FERMT2: variants seen among roughly 807,000 people sequenced by gnomAD.
The protein encoded by FERMT2 is fermitin family homolog 2.
In FERMT2, 15 loss-of-function variants were observed where a neutral mutation model predicts 82.7. The ratio of observed to expected loss-of-function variants is 0.18; its 90% CI spans 0.12 to 0.28. The LOEUF (loss-of-function observed/expected upper bound fraction) is 0.28. Ranked by LOEUF, FERMT2 falls within the 10% of genes least tolerant of loss-of-function variation. FERMT2 has a pLI of 1.00. For missense variants in FERMT2, 645 were observed against 809.4 expected (o/e 0.80, Z 2.46); for synonymous variants, 274 against 271.5 (o/e 1.01, Z -0.09).
intron 4 of FERMT2, among the ~76,000 whole-genome samples, chr14:52,886,281 G>C (rs1886602095): frequency 7.2e-6 from 1 of 138,878 alleles, no homozygotes; most frequent in African/African-American, 2.5e-5. Flanking sequence ...GGGGGAGAGA[G>C]AGAGAGAGAG....
intron 3 of FERMT2, among the ~76,000 whole-genome samples, chr14:52,903,811 T>C (rs1887816859): frequency 6.6e-6 from 1 of 151,916 alleles, no homozygotes; most frequent in Admixed American, 6.6e-5. Context: ...AACTCAAAGA[T>C]CAAATACAAG....
At chr14:52,859,828 T>G in intron 13 of FERMT2, 114 bp from the exon 14 acceptor site, 2 of 607,556 alleles carry the variant, frequency 3.3e-6, no homozygotes, top group Non-Finnish European at 5.1e-6. Context: ...TTCTTTTTTT[T>G]TTTTTTTGAG....
chr14:52,878,896 CCATTAAAAATGA>C (rs1456448562), intron 6 of FERMT2, among the ~76,000 whole-genome samples: 1 of 152,050 alleles, frequency 6.6e-6, no homozygotes, highest in African/African-American at 2.4e-5. Flanking sequence ...ATCTAATTTT[CCATTAAAAATGA>C]CATTAAAATA....
Position 52,947,663 on chromosome 14 carries a change from T to C in FERMT2, c.157+2749A>G, listed in dbSNP as rs192497322. Among the ~76,000 whole-genome samples, 114 of 152,326 alleles carry C rather than the reference T, an allele frequency of 7.5e-4. 1 individual carries two copies. The highest frequency in any genetic ancestry group is 2.5e-3 in the South Asian group (12 of 4,824). On this transcript the variant is annotated intron_variant, in intron 2 of 14. Transcript: ENST00000341590. ...ATTAAGGAAACATTATTTACACTTA[T>C]GTCGTGCTTAATTAAAATGCCGCAC...
In FERMT2 at chr14:52,875,367, GAATT is replaced by G; in HGVS notation, c.964-14_964-11del. The G allele has an allele frequency of 6.4e-7, 1 of 1,553,758 alleles. No individual in the cohort carries two copies. Among genetic ancestry groups the G allele is most frequent in the Non-Finnish European group, 8.8e-7 (1 of 1,135,790 alleles). On this transcript the variant is annotated splice_polypyrimidine_tract_variant and intron_variant, in intron 7 of 14. Coordinates refer to ENST00000341590, the MANE Select transcript of FERMT2 (RefSeq NM_006832.3). ...GCTTATTGATATGATACTGAAACCA[GAATT>G]ATTTTATTAAAATAATTGCTATAAC...
At chr14:52,883,069 A>G (rs1202522641) in intron 4 of FERMT2, among the ~76,000 whole-genome samples, 1 of 152,068 alleles carries the variant, frequency 6.6e-6, no homozygotes, top group Non-Finnish European at 1.5e-5. Context: ...GTGGTGGTGC[A>G]CGCTATTCGG....
rs563560278 is a variant in FERMT2, at chr14:52,858,210, A to C, written c.*167T>G. The stretch of plus-strand genomic sequence containing the variant: ...TTATTATATCATAACATGATAGATT[A>C]ATAGTCGTGCTTGTTTAGTGCACAT... On this transcript the variant is annotated 3_prime_UTR_variant, in exon 15 of 15. Transcript: ENST00000341590. 3.0e-5 allele frequency: 18 copies of C among 592,296 alleles called. No individual in the cohort carries two copies. In the African/African-American group the frequency reaches 3.2e-4, roughly 10 times the overall value. The allele number at this position is 592,296 out of a possible 1,614,324, so 36.7% of individuals were successfully genotyped here.
At chr14:52,918,299 T>C (rs1888738374) in intron 3 of FERMT2, among the ~76,000 whole-genome samples, 1 of 152,140 alleles carries the variant, frequency 6.6e-6, no homozygotes, top group Non-Finnish European at 1.5e-5. Context: ...AAATCCGATA[T>C]GTATGGACAA....
At chr14:52,895,827 A>C (rs966670771) in intron 3 of FERMT2, among the ~76,000 whole-genome samples, 1 of 152,218 alleles carries the variant, frequency 6.6e-6, no homozygotes, top group African/African-American at 2.4e-5. Context: ...AACGATGAAG[A>C]ACCCAAAAAT....
intron 2 of FERMT2, among the ~76,000 whole-genome samples, chr14:52,921,813 C>T (rs986689286): frequency 4.6e-5 from 7 of 152,052 alleles, no homozygotes; most frequent in East Asian, 3.9e-4. Flanking sequence ...AATGCTCAAC[C>T]GGTTAAGTAC....
At chr14:52,942,951 G>A (rs1890162350) in intron 2 of FERMT2, among the ~76,000 whole-genome samples, 1 of 152,144 alleles carries the variant, frequency 6.6e-6, no homozygotes, top group South Asian at 2.1e-4. Context: ...GGTGGCTGAT[G>A]CCTGTAATCC....
chr14:52,886,837 A>G (rs1190569918), intron 4 of FERMT2, among the ~76,000 whole-genome samples: 2 of 152,234 alleles, frequency 1.3e-5, no homozygotes, highest in Non-Finnish European at 2.9e-5. Context: ...AGGAGTAGCC[A>G]GGGAATAAGT....
intron 4 of FERMT2, among the ~76,000 whole-genome samples, chr14:52,886,114 A>G (rs949198740): frequency 1.3e-5 from 2 of 152,198 alleles, no homozygotes; most frequent in African/African-American, 4.8e-5. Flanking sequence ...AAATTATTCA[A>G]CTATCCTAGT....
chr14:52,939,735 T>C (rs986971109), intron 2 of FERMT2, among the ~76,000 whole-genome samples: 1 of 152,186 alleles, frequency 6.6e-6, no homozygotes, highest in Non-Finnish European at 1.5e-5. Flanking sequence ...ACCAAGGGCA[T>C]TCCATCTTGG....
chr14:52,888,842 G>C (rs1358833980), intron 4 of FERMT2, among the ~76,000 whole-genome samples: 2 of 152,174 alleles, frequency 1.3e-5, no homozygotes, highest in African/African-American at 2.4e-5. Context: ...GGATTTGTTG[G>C]AGAATTTAAA....
At chr14:52,904,433 C>T (rs896561817) in intron 3 of FERMT2, among the ~76,000 whole-genome samples, 2 of 152,132 alleles carry the variant, frequency 1.3e-5, no homozygotes, top group Non-Finnish European at 2.9e-5. Context: ...AGGAGAATTG[C>T]TTGAACCTGG....
intron 2 of FERMT2, among the ~76,000 whole-genome samples, chr14:52,946,963 G>A (rs767543358): frequency 1.3e-5 from 2 of 152,056 alleles, no homozygotes; most frequent in African/African-American, 4.8e-5. Context: ...GTGAGCCACC[G>A]TACCCAACCT....
intron 3 of FERMT2, among the ~76,000 whole-genome samples, chr14:52,916,724 C>A (rs1179788796): frequency 6.6e-6 from 1 of 152,154 alleles, no homozygotes; most frequent in Admixed American, 6.5e-5. Context: ...TCACCAGTTA[C>A]AATAAATGTA....
intron 10 of FERMT2, among the ~76,000 whole-genome samples, chr14:52,867,274 CT>C (rs1427535239): frequency 6.6e-6 from 1 of 152,024 alleles, no homozygotes; most frequent in Non-Finnish European, 1.5e-5. Context: ...AGTGACTGTA[CT>C]TTGGCTCCAT....
Sources: allele counts gnomAD v4.1 joint callset (sites outside exome capture counted in the v4.1 genomes callset), GRCh38; gene constraint gnomAD v4.1.1; transcripts MANE v1.5; gene names NCBI Gene and HGNC (gene_info 2026-07-23, HGNC 2026-07-21).